CNTN4: variants seen among roughly 807,000 people sequenced by gnomAD.
CNTN4 encodes contactin 4.
In CNTN4, 77 loss-of-function variants were observed where a neutral mutation model predicts 122.5. The ratio of observed to expected loss-of-function variants is 0.63; its 90% CI spans 0.52 to 0.76. CNTN4 has a LOEUF of 0.76. CNTN4 is among the 30% of genes least tolerant of loss of function. CNTN4 has a pLI of 0.00. For missense variants in CNTN4, 1,256 were observed against 1,259.1 expected (o/e 1.00, Z 0.04); for synonymous variants, 512 against 447.0 (o/e 1.15, Z -1.83).
intron 2 of CNTN4, among the ~76,000 whole-genome samples, chr3:2,259,311 A>G (rs1322261530): frequency 6.6e-6 from 1 of 152,234 alleles, no homozygotes; most frequent in Non-Finnish European, 1.5e-5. Context: ...AACATTTTGG[A>G]CAATGACTGA....
At chr3:2,162,081 A>C (rs11129006) in intron 2 of CNTN4, among the ~76,000 whole-genome samples, 53,101 of 152,060 alleles carry the variant, frequency 0.35, 9,755 homozygotes, top group Admixed American at 0.45. Flanking sequence ...CAATGAGAAT[A>C]CAGATTTCAA....
intron 3 of CNTN4, among the ~76,000 whole-genome samples, chr3:2,463,435 T>C (rs1420240869): frequency 6.6e-6 from 1 of 152,228 alleles, no homozygotes; most frequent in African/African-American, 2.4e-5. Context: ...GAACACTTTA[T>C]ATAAAAATAT....
At chr3:2,955,742 T>C (rs1462498997) in intron 13 of CNTN4, among the ~76,000 whole-genome samples, 1 of 152,198 alleles carries the variant, frequency 6.6e-6, no homozygotes, top group Admixed American at 6.5e-5. Context: ...TAAGTGGCTA[T>C]TATTGGATAT....
At position 2,129,524 on chromosome 3, in the gene CNTN4, A is replaced by G. The variant is rs908378053; in HGVS notation, c.-145+28885A>G. On this transcript the variant is annotated intron_variant, in intron 2 of 24. Coordinates refer to ENST00000418658, the MANE Select transcript of CNTN4 (RefSeq NM_175607.3). ...ACATGCAAAGAGGGCATGTTTATAGACTTTGACTTGAACTTCTTCTAACAG... is the reference window on the plus strand; with the variant it reads ...ACATGCAAAGAGGGCATGTTTATAGGCTTTGACTTGAACTTCTTCTAACAG... Among the ~76,000 whole-genome samples the G allele has an allele frequency of 9.2e-5, 14 of 152,094 alleles. 1 individual carries two copies. The highest frequency in any genetic ancestry group is 3.4e-3 in the Middle Eastern group (1 of 294).
intron 3 of CNTN4, among the ~76,000 whole-genome samples, chr3:2,351,153 T>C (rs1055724672): frequency 2.6e-5 from 4 of 152,194 alleles, no homozygotes; most frequent in Non-Finnish European, 5.9e-5. Flanking sequence ...AGAGAAGTCA[T>C]AGTTATAGTT....
chr3:2,156,950 A>G (rs1024722169), intron 2 of CNTN4, among the ~76,000 whole-genome samples: 9 of 152,098 alleles, frequency 5.9e-5, no homozygotes, highest in African/African-American at 7.2e-5. Context: ...GGTCATTAAT[A>G]TTTCTCATCT....
At chr3:2,155,022 T>C (rs2035659097) in intron 2 of CNTN4, among the ~76,000 whole-genome samples, 2 of 152,370 alleles carry the variant, frequency 1.3e-5, no homozygotes, top group Non-Finnish European at 2.9e-5. Flanking sequence ...TCAGATACCT[T>C]TTCAAAATTT....
At chr3:2,542,577 T>A (rs1017822956) in intron 3 of CNTN4, among the ~76,000 whole-genome samples, 2 of 152,160 alleles carry the variant, frequency 1.3e-5, no homozygotes, top group East Asian at 3.9e-4. Flanking sequence ...TTGCTGAATG[T>A]CAGATCGAGA....
chr3:2,540,001 C>A (rs111744482), intron 3 of CNTN4, among the ~76,000 whole-genome samples: 3 of 151,704 alleles, frequency 2.0e-5, no homozygotes, highest in African/African-American at 7.3e-5. Flanking sequence ...TTTAATAATA[C>A]AGGTATCTAT....
intron 4 of CNTN4, among the ~76,000 whole-genome samples, chr3:2,666,624 A>G (rs1016514025): frequency 4.6e-5 from 7 of 151,974 alleles, no homozygotes; most frequent in East Asian, 1.9e-4. Flanking sequence ...TTTAAGTTCT[A>G]GGGTACATGT....
intron 10 of CNTN4, among the ~76,000 whole-genome samples, chr3:2,893,169 A>G (rs2094064446): frequency 6.6e-6 from 1 of 152,188 alleles, no homozygotes; most frequent in Admixed American, 6.5e-5. Context: ...AATTACATGT[A>G]AGACTAAATG....
intron 4 of CNTN4, among the ~76,000 whole-genome samples, chr3:2,602,413 A>G (rs2081085344): frequency 6.6e-6 from 1 of 152,228 alleles, no homozygotes; most frequent in Non-Finnish European, 1.5e-5. Context: ...TACAACATGA[A>G]TGTGCAAAAA....
chr3:2,194,415 C>T lies in CNTN4; in HGVS notation c.-145+93776C>T, dbSNP rs553224640. 5.3e-5 allele frequency among the ~76,000 whole-genome samples: 8 copies of T among 152,138 alleles called. No homozygotes were observed. The South Asian group carries it at 6.2e-4, about 12-fold the overall frequency. ...GGTTGAGGCTGGAGGAAACCATGAT[C>T]GCGCCACTGCACTCCAGCCTGGGTG... On this transcript the variant is annotated intron_variant, in intron 2 of 24. Coordinates refer to ENST00000418658, the MANE Select transcript of CNTN4 (RefSeq NM_175607.3).
intron 6 of CNTN4, among the ~76,000 whole-genome samples, chr3:2,787,767 C>A (rs1217635214): frequency 6.7e-6 from 1 of 150,368 alleles, no homozygotes; most frequent in South Asian, 2.1e-4. Context: ...ATCACACAGT[C>A]CTGCCATATT....
chr3:2,866,514 T>C (rs1361818460), intron 7 of CNTN4: 1 of 1,328,346 alleles, frequency 7.5e-7, no homozygotes, highest in Non-Finnish European at 9.7e-7. Flanking sequence ...TGGACATCGC[T>C]TAATCAGCTA....
At chr3:2,151,087 G>A (rs2035474355) in intron 2 of CNTN4, among the ~76,000 whole-genome samples, 1 of 152,030 alleles carries the variant, frequency 6.6e-6, no homozygotes, top group South Asian at 2.1e-4. Context: ...TTTTTAGACA[G>A]CTAATTTTTG....
intron 3 of CNTN4, among the ~76,000 whole-genome samples, chr3:2,408,029 G>A (rs1373952426): frequency 1.3e-5 from 2 of 152,180 alleles, no homozygotes; most frequent in Non-Finnish European, 2.9e-5. Flanking sequence ...GTCATTCTGT[G>A]TGTCAAACGT....
At chr3:2,456,494 C>G (rs1051706384) in intron 3 of CNTN4, among the ~76,000 whole-genome samples, 2 of 152,128 alleles carry the variant, frequency 1.3e-5, no homozygotes, top group Admixed American at 6.6e-5. Context: ...AAACCCCATT[C>G]CCGTTAAGGA....
intron 14 of CNTN4, among the ~76,000 whole-genome samples, chr3:3,013,703 A>G (rs1236474034): frequency 6.6e-6 from 1 of 152,194 alleles, no homozygotes; most frequent in African/African-American, 2.4e-5. Flanking sequence ...TTTGTAAACT[A>G]TGGAATGATC....
Sources: gnomAD v4.1 joint callset for allele counts (sites outside exome capture counted in the v4.1 genomes callset) on GRCh38, gnomAD v4.1.1 for gene constraint, MANE v1.5 for transcripts, NCBI Gene and HGNC (gene_info 2026-07-23, HGNC 2026-07-21) for gene names.